The following PSD4 variants were observed in gnomAD, a reference collection of about 807,000 sequenced individuals.
PSD4 encodes the protein PH and SEC7 domain-containing protein 4.
A neutral mutation model predicts 112.5 loss-of-function variants in PSD4; 59 were observed. That is an observed-to-expected ratio of 0.52 (90% CI 0.43 to 0.65). The LOEUF is 0.65. Among genes scored for constraint, PSD4 ranks in the 30% least tolerant of loss-of-function variants. The pLI is 0.00. For missense variants in PSD4, 1,267 were observed against 1,352.6 expected (o/e 0.94, Z 0.99); for synonymous variants, 533 against 540.0 (o/e 0.99, Z 0.18).
chr2:113,201,570 C>G lies in PSD4; in HGVS notation c.*155C>G. 1.9e-6 allele frequency: 2 copies of G among 1,068,942 alleles called. No homozygotes were observed. Among genetic ancestry groups the G allele is most frequent in the Middle Eastern group, 2.2e-4 (1 of 4,484 alleles). The allele number at this position is 1,068,942 out of a possible 1,614,324, so 66.2% of individuals were successfully genotyped here. A position where few individuals can be genotyped will look rare whatever the true frequency, so the allele number is the denominator to read the frequency against. The stretch of plus-strand genomic sequence containing the variant: ...ACCTTGTTTCCCTGTGGCCCTCATT[C>G]TTGTGCTCCCTGAAGCTTTCCTAAT... On this transcript the variant is annotated 3_prime_UTR_variant, in exon 17 of 17. Coordinates refer to ENST00000245796, the MANE Select transcript of PSD4 (RefSeq NM_012455.3).
At position 113,193,392 on chromosome 2, in the gene PSD4, C is replaced by G. The variant is rs915071901; in HGVS notation, c.2032+22C>G. ...GTAGGTAGGGAGGGGCTGGCCCTGA[C>G]AGCAAAGCAGGGAAACTTTGGGGTG... is the stretch of plus-strand genomic sequence containing the variant. On this transcript the variant is annotated intron_variant, in intron 8 of 16. Coordinates refer to ENST00000245796, the MANE Select transcript of PSD4 (RefSeq NM_012455.3). 1.9e-6 allele frequency: 3 copies of G among 1,604,944 alleles called. No homozygotes were observed. The African/African-American group carries it at 4.0e-5, about 22-fold the overall frequency.
At chr2:113,185,844 C>T (rs1688283372) in intron 4 of PSD4, 33 bp from the exon 5 acceptor site, 2 of 1,592,242 alleles carry the variant, frequency 1.3e-6, no homozygotes, top group Non-Finnish European at 1.7e-6. Flanking sequence ...TGCCTCCTGC[C>T]CTGTGCCCGC....
intron 10 of PSD4, 82 bp downstream of exon 10, chr2:113,194,030 G>A: frequency 7.1e-7 from 1 of 1,411,486 alleles, no homozygotes; most frequent in Non-Finnish European, 9.8e-7. Context: ...TGCTGAGCTT[G>A]GGACTGGCTT....
Position 113,205,685 on chromosome 2 carries a change from A to C in PSD4, c.*4270A>C, listed in dbSNP as rs935913781. Reference sequence around the variant, plus strand: ...AAGTAAGGCCAATGGGTAGGGTCAGAATATGGCCTGCAAATGCACTGTACT... The same window carrying C: ...AAGTAAGGCCAATGGGTAGGGTCAGCATATGGCCTGCAAATGCACTGTACT... On this transcript the variant is annotated 3_prime_UTR_variant, in exon 17 of 17. Coordinates refer to ENST00000245796, the MANE Select transcript of PSD4 (RefSeq NM_012455.3). The C allele has an allele frequency of 3.3e-5, 5 of 152,210 alleles. No homozygotes were observed. The highest frequency in any genetic ancestry group is 1.2e-4 in the African/African-American group (5 of 41,454). 9.4% of individuals were successfully genotyped at this position (152,210 alleles called of 1,614,324 possible).
chr2:113,197,759 C>G lies in PSD4; in HGVS notation c.2470C>G (p.His824Asp). Residue 824 changes from histidine to aspartate, a missense_variant, in exon 14 of 17, where the codon CAC becomes GAC. Physicochemically the swap from His to Asp is moderately conservative, Grantham distance 81. This residue lies in a region of PSD4 where 544 missense variants were observed against 648.6 expected (regional missense o/e 0.84). Coordinates refer to ENST00000245796, the MANE Select transcript of PSD4 (RefSeq NM_012455.3). ...CTGTGACTGGTAGCAGGGAGAAGAC[C>G]ACTGTCTGGAGGGGGAGAGCTTGGT... ...VLYFLKQGED[H>D]CLEGESLVGQ... The G allele has an allele frequency of 6.2e-7, 1 of 1,609,004 alleles. No individual in the cohort carries two copies. Among genetic ancestry groups the G allele is most frequent in the Non-Finnish European group, 8.5e-7 (1 of 1,176,000 alleles).
chr2:113,203,512 AAGT>A lies in PSD4; in HGVS notation c.*2098_*2100del, dbSNP rs1255976549. Reference sequence around the variant, plus strand: ...GGCCCAAGACTGATGCTTACAAACTAAGTGGAGTAGGTTATTTGACCTCACTGA... The same window carrying A: ...GGCCCAAGACTGATGCTTACAAACTAGGAGTAGGTTATTTGACCTCACTGA... On this transcript the variant is annotated 3_prime_UTR_variant, in exon 17 of 17. Coordinates refer to ENST00000245796, the MANE Select transcript of PSD4 (RefSeq NM_012455.3). 1 of 150,250 alleles carries A rather than the reference AAGT, an allele frequency of 6.7e-6. No homozygotes were observed. Among genetic ancestry groups the A allele is most frequent in the African/African-American group, 2.5e-5 (1 of 40,582 alleles). The allele number at this position is 150,250 out of a possible 1,614,324, so 9.3% of individuals were successfully genotyped here.
chr2:113,185,644 T>C, intron 4 of PSD4: 1 of 1,547,580 alleles, frequency 6.5e-7, no homozygotes, highest in South Asian at 1.2e-5. Flanking sequence ...TTCTTACCGC[T>C]GGGTCTTAAT....
chr2:113,208,392 G>A lies in PSD4; in HGVS notation c.*6977G>A, dbSNP rs187606602. The A allele has an allele frequency of 4.3e-4, 66 of 152,236 alleles. 1 individual carries two copies. The highest frequency in any genetic ancestry group is 1.4e-3 in the African/African-American group (60 of 41,534). The allele number at this position is 152,236 out of a possible 1,614,324, so 9.4% of individuals were successfully genotyped here. On this transcript the variant is annotated 3_prime_UTR_variant, in exon 17 of 17. Transcript: ENST00000245796. Reference sequence around the variant, plus strand: ...TTCCTGAAATTACAAATGACCATACGGTACAGGTGTTACTATATTACCTGT... The same window carrying A: ...TTCCTGAAATTACAAATGACCATACAGTACAGGTGTTACTATATTACCTGT...
chr2:113,192,948 C>A, intron 6 of PSD4, 100 bp from the exon 7 acceptor site: 1 of 1,196,252 alleles, frequency 8.4e-7, no homozygotes, highest in South Asian at 1.4e-5. Flanking sequence ...CCCTTGCTCA[C>A]CCCCACCGCA....
rs764045342 is a variant in PSD4, at chr2:113,183,347, G to A, written c.891G>A (p.Leu297=). Residue 297 remains leucine, a synonymous_variant, in exon 2 of 17, where the codon CTG becomes CTA. Coordinates refer to ENST00000245796, the MANE Select transcript of PSD4 (RefSeq NM_012455.3). ...LEPPLPEDTV[L]WELESEPDLG... ...CTCCCCTCCCAGAAGACACAGTGCT[G>A]TGGGAGCTGGAAAGTGAGCCAGATT... The A allele has an allele frequency of 8.8e-6, 14 of 1,593,846 alleles. No homozygotes were observed. The Admixed American group carries it at 2.4e-4, about 28-fold the overall frequency.
rs142715480 is a variant in PSD4, at chr2:113,183,300, G to A, written c.844G>A (p.Glu282Lys). The A allele has an allele frequency of 1.9e-6, 3 of 1,612,658 alleles. No homozygotes were observed. In the African/African-American group the frequency reaches 4.0e-5, roughly 21 times the overall value. ...DSHAGVRTGP[E>K]SPATLEPPLP... The stretch of plus-strand genomic sequence containing the variant: ...CCATGCAGGTGTGAGGACTGGACCT[G>A]AGAGCCCAGCGACTCTGGAGCCTCC... Residue 282 changes from glutamate (E) to lysine (K), a missense_variant, in exon 2 of 17, where the codon GAG (glutamate) becomes AAG (lysine). Glu to Lys is a moderately conservative substitution (Grantham distance 56). Coordinates refer to ENST00000245796, the MANE Select transcript of PSD4 (RefSeq NM_012455.3).
chr2:113,205,028 T>C lies in PSD4; in HGVS notation c.*3613T>C. ...TGTTGCCCAGGCTGGAGTGCAATGG[T>C]GCGATCTCAGCTCACTGCAACCTCC... On this transcript the variant is annotated 3_prime_UTR_variant, in exon 17 of 17. Transcript: ENST00000245796. 1 of 151,714 alleles carries C rather than the reference T, an allele frequency of 6.6e-6. No homozygotes were observed. The highest frequency in any genetic ancestry group is 1.5e-5 in the Non-Finnish European group (1 of 67,992). 9.4% of individuals were successfully genotyped at this position (151,714 alleles called of 1,614,324 possible).
At position 113,206,640 on chromosome 2, in the gene PSD4, T is replaced by G. The variant is rs1226586767; in HGVS notation, c.*5225T>G. On this transcript the variant is annotated 3_prime_UTR_variant, in exon 17 of 17. Coordinates refer to ENST00000245796, the MANE Select transcript of PSD4 (RefSeq NM_012455.3). ...TAATAACACTACTTATGTCACAAGGTCCTCATGAAGATTAAGTGAAATTAT... is the reference window on the plus strand; with the variant it reads ...TAATAACACTACTTATGTCACAAGGGCCTCATGAAGATTAAGTGAAATTAT... 5 of 152,240 alleles carry G rather than the reference T, an allele frequency of 3.3e-5. No homozygotes were observed. Among genetic ancestry groups the G allele is most frequent in the Admixed American group, 1.3e-4 (2 of 15,284 alleles). The allele number at this position is 152,240 out of a possible 1,614,324, so 9.4% of individuals were successfully genotyped here.
At chr2:113,180,774 C>G (rs1414656855) in intron 1 of PSD4, among the ~76,000 whole-genome samples, 1 of 152,166 alleles carries the variant, frequency 6.6e-6, no homozygotes, top group Non-Finnish European at 1.5e-5. Flanking sequence ...TCTTGGGTAT[C>G]TGGAAGTCAC....
chr2:113,205,640 AAAG>A lies in PSD4; in HGVS notation c.*4227_*4229del. 1 of 152,372 alleles carries A rather than the reference AAAG, an allele frequency of 6.6e-6. No homozygotes were observed. Among genetic ancestry groups the A allele is most frequent in the Non-Finnish European group, 1.5e-5 (1 of 68,054 alleles). 9.4% of individuals were successfully genotyped at this position (152,372 alleles called of 1,614,324 possible). On this transcript the variant is annotated 3_prime_UTR_variant, in exon 17 of 17. Coordinates refer to ENST00000245796, the MANE Select transcript of PSD4 (RefSeq NM_012455.3). Reference sequence around the variant, plus strand: ...GCGAGACTCTGTCGAAAAAGAAAAAAAAGATGAAATGCCTTGAAAAAGTAAGGC... The same window carrying A: ...GCGAGACTCTGTCGAAAAAGAAAAAAATGAAATGCCTTGAAAAAGTAAGGC...
At chr2:113,195,667 A>C in intron 10 of PSD4, 60 bp from the exon 11 acceptor site, 1 of 1,600,930 alleles carries the variant, frequency 6.2e-7, no homozygotes, top group Non-Finnish European at 8.6e-7. Flanking sequence ...TGCCAGACAA[A>C]GAGACTTTAG....
chr2:113,201,031 A>C (rs1688761984), intron 16 of PSD4, 127 bp from the exon 17 acceptor site: 1 of 1,297,942 alleles, frequency 7.7e-7, no homozygotes, highest in Non-Finnish European at 1.1e-6. Context: ...CGGTTGGTCC[A>C]GCCCTCTTTC....
chr2:113,179,637 C>T (rs1383839763), intron 1 of PSD4, among the ~76,000 whole-genome samples: 1 of 152,158 alleles, frequency 6.6e-6, no homozygotes, highest in Non-Finnish European at 1.5e-5. Context: ...ACTTAGAATG[C>T]CTAGCTTCCC....
At chr2:113,199,361 G>T in intron 16 of PSD4, 135 bp downstream of exon 16, 1 of 1,148,118 alleles carries the variant, frequency 8.7e-7, no homozygotes, top group Non-Finnish European at 1.1e-6. Flanking sequence ...GGCGGGGCCC[G>T]CGTGCGCCGT....
Sources: allele counts gnomAD v4.1 joint callset (sites outside exome capture counted in the v4.1 genomes callset), GRCh38; gene constraint gnomAD v4.1.1; regional missense constraint gnomAD v4.1.1; transcripts MANE v1.5; gene names NCBI Gene and HGNC (gene_info 2026-07-23, HGNC 2026-07-21).